The following ROBO2 variants were observed in gnomAD, a reference collection of about 807,000 sequenced individuals.
ROBO2 encodes the protein roundabout homolog 2.
ROBO2 carries 53 observed loss-of-function variants against 160.8 expected under a neutral mutation model. The observed-to-expected ratio is 0.33, with a 90% confidence interval of 0.26 to 0.41. The LOEUF (loss-of-function observed/expected upper bound fraction) is 0.41, where lower values mean the gene tolerates loss of function less well. Among genes scored for constraint, ROBO2 ranks in the 10% least tolerant of loss-of-function variants. ROBO2 has a pLI of 1.00. For missense variants in ROBO2, 1,577 were observed against 1,722.4 expected, an observed-to-expected ratio of 0.92 and a Z score of 1.49; for synonymous variants, 664 against 611.7, an observed-to-expected ratio of 1.09 and a Z score of -1.26.
At chr3:76,746,097 T>G (rs1434473212) in intron 2 of ROBO2, among the ~76,000 whole-genome samples, 1 of 151,156 alleles carries the variant, frequency 6.6e-6, no homozygotes, top group South Asian at 2.1e-4. Flanking sequence ...GGTTTTTTGT[T>G]CTTGCGATAG....
chr3:76,829,830 G>C (rs192299310), intron 2 of ROBO2, among the ~76,000 whole-genome samples: 1 of 152,000 alleles, frequency 6.6e-6, no homozygotes, highest in East Asian at 1.9e-4. Flanking sequence ...CACCATGCCC[G>C]GCTAATTTTG....
intron 2 of ROBO2, among the ~76,000 whole-genome samples, chr3:76,723,793 C>T (rs1270897013): frequency 1.3e-5 from 2 of 152,210 alleles, no homozygotes; most frequent in Non-Finnish European, 2.9e-5. Context: ...TTCTAACCTT[C>T]TATAGCAGTT....
At chr3:76,061,764 G>A (rs1004747824) in intron 2 of ROBO2, among the ~76,000 whole-genome samples, 2 of 151,942 alleles carry the variant, frequency 1.3e-5, no homozygotes, top group African/African-American at 4.8e-5. Flanking sequence ...TAATTATGTA[G>A]CCTAGAAATT....
chr3:77,605,147 G>C (rs1216751411), intron 20 of ROBO2, among the ~76,000 whole-genome samples: 1 of 145,690 alleles, frequency 6.9e-6, no homozygotes, highest in Non-Finnish European at 1.5e-5. Context: ...CTGGGTGACA[G>C]ACTGAGACCC....
intron 2 of ROBO2, among the ~76,000 whole-genome samples, chr3:76,876,347 G>A (rs1169481065): frequency 6.6e-6 from 1 of 152,134 alleles, no homozygotes; most frequent in Non-Finnish European, 1.5e-5. Context: ...AGACACATAA[G>A]AGGTCTTCTT....
chr3:76,998,017 A>AG (rs1242936219), intron 2 of ROBO2, among the ~76,000 whole-genome samples: 1 of 152,172 alleles, frequency 6.6e-6, no homozygotes, highest in Non-Finnish European at 1.5e-5. Context: ...TCATGGGCTC[A>AG]GAACAGTTCA....
At chr3:77,633,630 C>G (rs886869991) in intron 23 of ROBO2, 1 of 152,034 alleles carries the variant, frequency 6.6e-6, no homozygotes, top group African/African-American at 2.4e-5. Flanking sequence ...AAAAATGAGT[C>G]TTGGAAGTTT....
intron 2 of ROBO2, among the ~76,000 whole-genome samples, chr3:77,352,176 C>T (rs1046202130): frequency 2.7e-5 from 4 of 150,208 alleles, no homozygotes; most frequent in Non-Finnish European, 4.4e-5. Flanking sequence ...ATTTTAAACT[C>T]GGTGCAAACC....
At chr3:76,038,180 G>C (rs1038247098) in intron 2 of ROBO2, among the ~76,000 whole-genome samples, 1 of 151,918 alleles carries the variant, frequency 6.6e-6, no homozygotes. Flanking sequence ...TCTACAAGTA[G>C]GTTTTGCAAA....
intron 2 of ROBO2, among the ~76,000 whole-genome samples, chr3:76,270,657 GA>G (rs924545151): frequency 6.6e-6 from 1 of 151,876 alleles, no homozygotes; most frequent in African/African-American, 2.4e-5. Context: ...AGCAATGTTG[GA>G]TAAATGAGTA....
At chr3:76,452,055 C>T (rs2077500932) in intron 2 of ROBO2, among the ~76,000 whole-genome samples, 1 of 152,100 alleles carries the variant, frequency 6.6e-6, no homozygotes, top group Non-Finnish European at 1.5e-5. Context: ...TCAAAACTTG[C>T]AAACGTTTGT....
intron 6 of ROBO2, among the ~76,000 whole-genome samples, chr3:77,544,110 GTTT>G (rs36057995): frequency 8.0e-4 from 114 of 142,390 alleles, no homozygotes; most frequent in South Asian, 1.3e-3. Context: ...AACCTTAAGT[GTTT>G]TTTTTTTTTT....
At chr3:76,186,062 T>G (rs1269748615) in intron 2 of ROBO2, among the ~76,000 whole-genome samples, 1 of 151,308 alleles carries the variant, frequency 6.6e-6, no homozygotes, top group Non-Finnish European at 1.5e-5. Context: ...GCCTCCCAAG[T>G]AGATGGACTA....
At chr3:76,241,401 A>T (rs1305624262) in intron 2 of ROBO2, among the ~76,000 whole-genome samples, 3 of 152,232 alleles carry the variant, frequency 2.0e-5, no homozygotes, top group Admixed American at 2.0e-4. Context: ...GTCATTTGCT[A>T]TGTGCTGGGT....
chr3:77,505,754 A>G (rs914695750), intron 5 of ROBO2, among the ~76,000 whole-genome samples: 1 of 152,160 alleles, frequency 6.6e-6, no homozygotes, highest in African/African-American at 2.4e-5. Context: ...TTTTCTTATG[A>G]AACAGGAACT....
intron 2 of ROBO2, among the ~76,000 whole-genome samples, chr3:76,126,028 T>C (rs1377968593): frequency 1.3e-5 from 2 of 152,054 alleles, no homozygotes; most frequent in African/African-American, 4.8e-5. Flanking sequence ...GGTTTCACCA[T>C]GTCTCTGACC....
At chr3:76,105,755 T>C (rs984574693) in intron 2 of ROBO2, among the ~76,000 whole-genome samples, 1 of 151,822 alleles carries the variant, frequency 6.6e-6, no homozygotes, top group Non-Finnish European at 1.5e-5. Flanking sequence ...GTATTGCCTA[T>C]AAGAGCAAAC....
intron 2 of ROBO2, among the ~76,000 whole-genome samples, chr3:76,417,550 A>C (rs577992908): frequency 6.6e-6 from 1 of 152,198 alleles, no homozygotes; most frequent in African/African-American, 2.4e-5. Context: ...ATTGAGGAAA[A>C]AATAAAGTTA....
chr3:77,514,418 C>T (rs1336248600), intron 5 of ROBO2, among the ~76,000 whole-genome samples: 1 of 151,614 alleles, frequency 6.6e-6, no homozygotes, highest in Non-Finnish European at 1.5e-5. Context: ...AACACAAAGT[C>T]GGCAGTACAT....
Sources: gnomAD v4.1 joint callset for allele counts (sites outside exome capture counted in the v4.1 genomes callset) on GRCh38, gnomAD v4.1.1 for gene constraint, MANE v1.5 for transcripts, NCBI Gene and HGNC (gene_info 2026-07-23, HGNC 2026-07-21) for gene names.